Variants in EYS observed in about 807,000 individuals in gnomAD.
EYS encodes the protein EGF-like photoreceptor maintenance factor, also known as protein eyes shut homolog.
In EYS, 250 loss-of-function variants were observed where a neutral mutation model predicts 282.1. The ratio of observed to expected loss-of-function variants is 0.89; its 90% CI spans 0.80 to 0.98. The LOEUF is 0.98. Ranked by LOEUF, EYS falls within the 50% of genes least tolerant of loss-of-function variation. EYS has a pLI of 0.00. For missense variants in EYS, 4,016 were observed against 3,709.0 expected, an observed-to-expected ratio of 1.08 and a Z score of -2.15; for synonymous variants, 1,355 against 1,282.9, an observed-to-expected ratio of 1.06 and a Z score of -1.20.
chr6:65,380,573 T>A (rs150072166), intron 8 of EYS, among the ~76,000 whole-genome samples: 230 of 152,244 alleles, frequency 1.5e-3, no homozygotes, highest in African/African-American at 5.3e-3. Context: ...AAGTACTTCA[T>A]GACTAAAACA....
intron 2 of EYS, among the ~76,000 whole-genome samples, chr6:65,625,689 A>C (rs1766665435): frequency 6.6e-6 from 1 of 152,296 alleles, no homozygotes; most frequent in Non-Finnish European, 1.5e-5. Flanking sequence ...AGTTTCTGAA[A>C]ATTAAACACA....
chr6:65,691,506 C>A (rs1769242397), intron 1 of EYS, among the ~76,000 whole-genome samples: 2 of 149,656 alleles, frequency 1.3e-5, no homozygotes, highest in Non-Finnish European at 3.0e-5. Context: ...GGATAGATTG[C>A]AAAAATATTC....
intron 1 of EYS, among the ~76,000 whole-genome samples, chr6:65,702,876 G>A (rs1205138035): frequency 6.6e-6 from 1 of 151,836 alleles, no homozygotes; most frequent in African/African-American, 2.4e-5. Flanking sequence ...TCCACTTTTT[G>A]GTCAAACATC....
Position 64,439,283 on chromosome 6 carries a change from T to G in EYS, c.5714A>C (p.Asn1905Thr). 11 of 1,526,254 alleles carry G rather than the reference T, an allele frequency of 7.2e-6. No individual in the cohort carries two copies. The highest frequency in any genetic ancestry group is 9.7e-6 in the Non-Finnish European group (11 of 1,136,374). 94.5% of individuals were successfully genotyped at this position (1,526,254 alleles called of 1,614,324 possible). A position where few individuals can be genotyped will look rare whatever the true frequency, so the allele number is the denominator to read the frequency against. ...GGTCTGAAATTCTAGGGAGATGTTA[T>G]TTTGTGGATTTAAAGCCACATTCTG... The part of the protein sequence containing the change: ...EFQNVALNPQ[N>T]NISLEFQTFS... The change falls in exon 27 of 43, where the codon AAT becomes ACT. Residue 1905 changes from asparagine (N) to threonine (T), a missense_variant. Asn to Thr is a moderately conservative substitution (Grantham distance 65). Coordinates refer to ENST00000503581, the MANE Select transcript of EYS (RefSeq NM_001142800.2).
chr6:65,615,672 C>T (rs1393438036), intron 2 of EYS, among the ~76,000 whole-genome samples: 2 of 152,036 alleles, frequency 1.3e-5, no homozygotes, highest in Non-Finnish European at 2.9e-5. Flanking sequence ...CGGTGGCTCA[C>T]GCCTGTAATC....
intron 22 of EYS, among the ~76,000 whole-genome samples, chr6:64,809,267 T>C (rs1764524938): frequency 6.6e-6 from 1 of 152,094 alleles, no homozygotes; most frequent in Admixed American, 6.6e-5. Context: ...AGTTCAGCTA[T>C]ATGAACTTTG....
At position 65,365,059 on chromosome 6, in the gene EYS, C is replaced by CT. The variant is rs1402710036; in HGVS notation, c.1300-11443dup. Reference sequence around the variant, plus strand: ...ATTGCTTAAAAAAGTCATCCTAACTCTGAAGAGCAGCTGGAAAAATAAACA... The same window carrying CT: ...ATTGCTTAAAAAAGTCATCCTAACTCTTGAAGAGCAGCTGGAAAAATAAACA... On this transcript the variant is annotated intron_variant, in intron 8 of 42. Coordinates refer to ENST00000503581, the MANE Select transcript of EYS (RefSeq NM_001142800.2). 1.2e-4 allele frequency among the ~76,000 whole-genome samples: 18 copies of CT among 151,692 alleles called. No individual in the cohort carries two copies. In the South Asian group the frequency reaches 2.5e-3, roughly 21 times the overall value.
chr6:65,088,526 G>C (rs886308578), intron 12 of EYS, among the ~76,000 whole-genome samples: 2 of 152,170 alleles, frequency 1.3e-5, no homozygotes, highest in Non-Finnish European at 2.9e-5. Context: ...GTTTAAACTT[G>C]AGAGAGATGA....
intron 1 of EYS, among the ~76,000 whole-genome samples, chr6:65,701,067 C>T (rs1330673363): frequency 3.9e-5 from 6 of 152,098 alleles, no homozygotes; most frequent in Non-Finnish European, 5.9e-5. Context: ...CCATATACAC[C>T]ATCCTTGTAT....
chr6:64,337,295 G>C (rs576212732), intron 29 of EYS, among the ~76,000 whole-genome samples: 1 of 152,068 alleles, frequency 6.6e-6, no homozygotes, highest in East Asian at 1.9e-4. Context: ...AGAAATGGGA[G>C]ATACTACAAC....
chr6:65,470,115 G>A (rs1765155552), intron 5 of EYS, among the ~76,000 whole-genome samples: 1 of 152,114 alleles, frequency 6.6e-6, no homozygotes, highest in South Asian at 2.1e-4. Flanking sequence ...CAAGAGAAGA[G>A]TATATGCCAG....
intron 18 of EYS, among the ~76,000 whole-genome samples, chr6:64,896,062 A>C (rs1348548896): frequency 6.6e-6 from 1 of 152,174 alleles, no homozygotes; most frequent in Non-Finnish European, 1.5e-5. Context: ...ACAACTAACA[A>C]AGATATTTTA....
At chr6:64,362,299 T>C (rs979713781) in intron 29 of EYS, among the ~76,000 whole-genome samples, 3 of 151,980 alleles carry the variant, frequency 2.0e-5, no homozygotes, top group Non-Finnish European at 4.4e-5. Flanking sequence ...GATCATATAC[T>C]CTAATTTTAA....
chr6:65,563,419 T>C (rs1582459943), intron 2 of EYS, among the ~76,000 whole-genome samples: 1 of 152,226 alleles, frequency 6.6e-6, no homozygotes, highest in African/African-American at 2.4e-5. Context: ...TTTTTTATTT[T>C]TGTTAATTTA....
In EYS at chr6:65,001,580, A is replaced by G. The variant is rs187787618; in HGVS notation, c.2138-3877T>C. 1.1e-3 allele frequency among the ~76,000 whole-genome samples: 170 copies of G among 147,900 alleles called. 1 individual carries two copies. Among genetic ancestry groups the G allele is most frequent in the African/African-American group, 3.9e-3 (163 of 41,268 alleles). On this transcript the variant is annotated intron_variant, in intron 13 of 42. Coordinates refer to ENST00000503581, the MANE Select transcript of EYS (RefSeq NM_001142800.2). ...AAAAGGCAACTTTTTGGGTGGAAAA[A>G]CAGGAATGCCTGTTCTCATTTATGG...
At chr6:65,472,658 T>G (rs1324299362) in intron 5 of EYS, among the ~76,000 whole-genome samples, 1 of 151,930 alleles carries the variant, frequency 6.6e-6, no homozygotes, top group Non-Finnish European at 1.5e-5. Flanking sequence ...CAGGAAAAAT[T>G]TACAGATGAG....
At chr6:64,652,237 C>T (rs1768587967) in intron 22 of EYS, among the ~76,000 whole-genome samples, 1 of 152,082 alleles carries the variant, frequency 6.6e-6, no homozygotes, top group Admixed American at 6.6e-5. Context: ...ACTTTGTGAT[C>T]AAGTTTTATG....
chr6:65,038,194 A>G (rs549871775), intron 13 of EYS, among the ~76,000 whole-genome samples: 1 of 151,748 alleles, frequency 6.6e-6, no homozygotes, highest in South Asian at 2.1e-4. Context: ...GGTTTTAAAA[A>G]TGCATACAGT....
At chr6:65,201,031 T>G (rs1765887250) in intron 12 of EYS, among the ~76,000 whole-genome samples, 1 of 152,136 alleles carries the variant, frequency 6.6e-6, no homozygotes, top group Admixed American at 6.5e-5. Flanking sequence ...ATACTTTATT[T>G]TGAATAGATG....
Sources: allele counts gnomAD v4.1 joint callset (sites outside exome capture counted in the v4.1 genomes callset), GRCh38; gene constraint gnomAD v4.1.1; transcripts MANE v1.5; gene names NCBI Gene and HGNC (gene_info 2026-07-23, HGNC 2026-07-21).